GALNT6: variants seen among roughly 807,000 people sequenced by gnomAD.
GALNT6 encodes polypeptide N-acetylgalactosaminyltransferase 6, also known as GalNAc transferase 6.
In GALNT6, 51 loss-of-function variants were observed where a neutral mutation model predicts 65.9. That is an observed-to-expected ratio of 0.77 (90% CI 0.62 to 0.98). The LOEUF (loss-of-function observed/expected upper bound fraction) is 0.98. Among genes scored for constraint, GALNT6 ranks in the 50% least tolerant of loss-of-function variants. GALNT6 has a pLI of 0.00. For missense variants in GALNT6, 708 were observed against 803.3 expected (o/e 0.88, Z 1.43); for synonymous variants, 323 against 315.1 (o/e 1.02, Z -0.26).
At chr12:51,385,741 A>C (rs551887305) in intron 2 of GALNT6, among the ~76,000 whole-genome samples, 1 of 142,472 alleles carries the variant, frequency 7.0e-6, no homozygotes, top group South Asian at 2.3e-4. Flanking sequence ...CCCTGTGTTT[A>C]TGGACTCCTG....
intron 2 of GALNT6, among the ~76,000 whole-genome samples, chr12:51,381,342 G>A (rs895200767): frequency 2.0e-5 from 3 of 152,184 alleles, no homozygotes; most frequent in African/African-American, 7.2e-5. Context: ...GCAGGGCTGG[G>A]CATGGGCGTT....
chr12:51,377,324 T>C lies in GALNT6; in HGVS notation c.535A>G (p.Thr179Ala), dbSNP rs557595816. The C allele has an allele frequency of 2.5e-6, 4 of 1,612,908 alleles. No homozygotes were observed. Among genetic ancestry groups the C allele is most frequent in the Admixed American group, 3.3e-5 (2 of 60,030 alleles). Residue 179 changes from threonine to alanine, a missense_variant, in exon 4 of 12, where the codon ACC becomes GCC. Physicochemically the swap from Thr to Ala is moderately conservative, Grantham distance 58. Coordinates refer to ENST00000356317, the MANE Select transcript of GALNT6 (RefSeq NM_007210.4). ...TTGTGGAACACAATGATCACGCTGGTGGTGGCCAGTGGGGGGCAGCGCCGG... is the reference window on the plus strand; with the variant it reads ...TTGTGGAACACAATGATCACGCTGGCGGTGGCCAGTGGGGGGCAGCGCCGG... ...KFRRCPPLAT[T>A]SVIIVFHNEA...
intron 1 of GALNT6, 51 bp downstream of exon 1, chr12:51,391,236 G>C (rs925149528): frequency 2.0e-5 from 3 of 153,078 alleles, no homozygotes; most frequent in African/African-American, 7.2e-5. Context: ...GGCATGGGTG[G>C]GTGAGGGGAA....
intron 3 of GALNT6, 28 bp downstream of exon 3, chr12:51,379,263 C>T (rs776200184): frequency 6.6e-7 from 1 of 1,516,346 alleles, no homozygotes; most frequent in East Asian, 2.3e-5. Context: ...GCCCTGGTCT[C>T]CCCACAAGGA....
At chr12:51,388,056 T>A (rs1473691577) in intron 2 of GALNT6, among the ~76,000 whole-genome samples, 6 of 152,108 alleles carry the variant, frequency 3.9e-5, no homozygotes, top group Non-Finnish European at 8.8e-5. Flanking sequence ...GCCAGAAGCA[T>A]TGAAGTCCGT....
rs1946683753 is a variant in GALNT6, at chr12:51,354,322, C to T, written c.*57G>A. 10 of 980,126 alleles carry T rather than the reference C, an allele frequency of 1.0e-5. No individual in the cohort carries two copies. The highest frequency in any genetic ancestry group is 1.5e-5 in the Non-Finnish European group (10 of 661,658). 60.7% of individuals were successfully genotyped at this position (980,126 alleles called of 1,614,324 possible). ...AGCTGGTGATCAGGTTCCCAGACAT[C>T]AGCAATCCTGTTTCCTGAGGAGCTT... On this transcript the variant is annotated 3_prime_UTR_variant, in exon 12 of 12. Transcript: ENST00000356317.
chr12:51,378,164 G>GTT (rs537639636), intron 3 of GALNT6, among the ~76,000 whole-genome samples: 5 of 151,804 alleles, frequency 3.3e-5, no homozygotes, highest in African/African-American at 1.2e-4. Flanking sequence ...CTCTCTGTCT[G>GTT]TTTTTTTTGA....
chr12:51,375,824 T>C (rs1592342197), intron 4 of GALNT6, among the ~76,000 whole-genome samples: 2 of 152,136 alleles, frequency 1.3e-5, no homozygotes, highest in African/African-American at 2.4e-5. Flanking sequence ...CCCAGAGTGC[T>C]AGGATTACAG....
chr12:51,362,565 C>T (rs765863090), intron 6 of GALNT6, among the ~76,000 whole-genome samples: 33 of 150,036 alleles, frequency 2.2e-4, no homozygotes, highest in Non-Finnish European at 3.5e-4. Context: ...TTGAAGCCTG[C>T]GACGTCAGTG....
intron 4 of GALNT6, among the ~76,000 whole-genome samples, chr12:51,373,864 A>G (rs144557156): frequency 6.6e-6 from 1 of 151,944 alleles, no homozygotes; most frequent in African/African-American, 2.4e-5. Flanking sequence ...TGATTTATTT[A>G]TTATTTTTTT....
chr12:51,366,810 C>T (rs1947120632), intron 4 of GALNT6, among the ~76,000 whole-genome samples: 1 of 152,204 alleles, frequency 6.6e-6, no homozygotes, highest in African/African-American at 2.4e-5. Context: ...GTAATTTAGT[C>T]TGAAATCCTC....
At chr12:51,380,236 C>T (rs566067870) in intron 2 of GALNT6, among the ~76,000 whole-genome samples, 21 of 152,106 alleles carry the variant, frequency 1.4e-4, no homozygotes, top group Non-Finnish European at 2.2e-4. Flanking sequence ...AATTCCACTC[C>T]TCATTTTATA....
intron 4 of GALNT6, among the ~76,000 whole-genome samples, chr12:51,367,061 C>T (rs574598138): frequency 1.3e-5 from 2 of 152,010 alleles, no homozygotes; most frequent in African/African-American, 4.8e-5. Context: ...GTTGGGAGTT[C>T]GAGACCAGCC....
chr12:51,356,094 T>G, intron 10 of GALNT6, 136 bp from the exon 11 acceptor site: 1 of 682,564 alleles, frequency 1.5e-6, no homozygotes, highest in Non-Finnish European at 2.5e-6. Flanking sequence ...TTTACTCATT[T>G]ATGTGCTGCC....
At chr12:51,383,446 G>A (rs1171209115) in intron 2 of GALNT6, 1 of 152,200 alleles carries the variant, frequency 6.6e-6, no homozygotes. Flanking sequence ...ACTGTTGCCA[G>A]TGCTCAAGAC....
At chr12:51,368,741 G>T (rs1169370589) in intron 4 of GALNT6, among the ~76,000 whole-genome samples, 3 of 19,572 alleles carry the variant, frequency 1.5e-4, no homozygotes, top group Non-Finnish European at 4.0e-4. Flanking sequence ...GGACAGACAG[G>T]TGAGGTGATT....
chr12:51,377,938 T>C (rs1035552658), intron 3 of GALNT6, among the ~76,000 whole-genome samples: 2 of 152,210 alleles, frequency 1.3e-5, no homozygotes, highest in South Asian at 4.1e-4. Context: ...TCCAACTTCA[T>C]CCACTCCAGC....
rs1368528069 is a variant in GALNT6, at chr12:51,384,460, G to A, written c.-103-4576C>T. On this transcript the variant is annotated intron_variant, in intron 2 of 11. Transcript: ENST00000356317. ...AAATCCCAGCACTTTGGGAGGCCAT[G>A]GTGGGCAGATCACTTTAGGCCAGGA... 2.6e-5 allele frequency among the ~76,000 whole-genome samples: 4 copies of A among 152,324 alleles called. No individual in the cohort carries two copies. In the South Asian group the frequency reaches 6.2e-4, roughly 24 times the overall value.
At chr12:51,362,142 AG>A (rs1229801027) in intron 6 of GALNT6, among the ~76,000 whole-genome samples, 4 of 152,098 alleles carry the variant, frequency 2.6e-5, no homozygotes, top group African/African-American at 9.7e-5. Flanking sequence ...AGGCTCAGAG[AG>A]TGCTGGAACT....
Sources: gnomAD v4.1 joint callset for allele counts (sites outside exome capture counted in the v4.1 genomes callset) on GRCh38, gnomAD v4.1.1 for gene constraint, MANE v1.5 for transcripts, NCBI Gene and HGNC (gene_info 2026-07-23, HGNC 2026-07-21) for gene names.